HSD17B2: variants seen among roughly 807,000 people sequenced by gnomAD.
HSD17B2 encodes 17-beta-hydroxysteroid dehydrogenase type 2.
Under a neutral mutation model 26.9 loss-of-function variants are expected in HSD17B2, and 32 were observed. That is an observed-to-expected ratio of 1.19 (90% CI 0.90 to 1.60). HSD17B2 has a LOEUF of 1.60. HSD17B2 is among the 40% of genes most tolerant of loss of function. The pLI is 0.00. For synonymous variants in HSD17B2, 246 were observed against 186.7 expected, an observed-to-expected ratio of 1.32 and a Z score of -2.59; for missense variants, 613 against 468.6, an observed-to-expected ratio of 1.31 and a Z score of -2.85.
intron 3 of HSD17B2, among the ~76,000 whole-genome samples, chr16:82,080,270 C>T (rs192546083): frequency 3.3e-5 from 5 of 152,282 alleles, no homozygotes; most frequent in Admixed American, 3.3e-4. Flanking sequence ...AGCCTGTTAC[C>T]TCACGTGGCA....
chr16:82,095,888 T>A, intron 4 of HSD17B2: 1 of 152,232 alleles, frequency 6.6e-6, no homozygotes, highest in East Asian at 1.9e-4. Flanking sequence ...TCTATGTGTA[T>A]GTATGTTTGT....
At position 82,068,333 on chromosome 16, in the gene HSD17B2, G is replaced by A; in HGVS notation, c.429G>A (p.Val143=). 1 of 1,613,908 alleles carries A rather than the reference G, an allele frequency of 6.2e-7. No individual in the cohort carries two copies. Among genetic ancestry groups the A allele is most frequent in the Non-Finnish European group, 8.5e-7 (1 of 1,179,982 alleles). Residue 143 remains valine, a synonymous_variant, in exon 2 of 5, where the codon GTG becomes GTA. Transcript: ENST00000199936. Reference sequence around the variant, plus strand: ...TCCAAATGGACATCACGAAGCCAGTGCAGATAAAAGATGCTTACAGCAAGG... The same window carrying A: ...TCCAAATGGACATCACGAAGCCAGTACAGATAAAAGATGCTTACAGCAAGG... ...SVLQMDITKP[V]QIKDAYSKVA...
chr16:82,093,092 T>C (rs1904740046), intron 4 of HSD17B2: 1 of 152,132 alleles, frequency 6.6e-6, no homozygotes, highest in Non-Finnish European at 1.5e-5. Flanking sequence ...GAGAAATATA[T>C]AAACAGAAAA....
chr16:82,076,862 G>A (rs1438555800), intron 3 of HSD17B2, among the ~76,000 whole-genome samples: 1 of 152,200 alleles, frequency 6.6e-6, no homozygotes, highest in African/African-American at 2.4e-5. Context: ...ACAGGCATTA[G>A]TATGCCAATA....
At chr16:82,092,313 C>G (rs1443480532) in intron 4 of HSD17B2, 1 of 152,150 alleles carries the variant, frequency 6.6e-6, no homozygotes, top group Non-Finnish European at 1.5e-5. Flanking sequence ...CCACTCCCCT[C>G]CCTGCATATC....
chr16:82,080,642 G>C (rs890342670), intron 3 of HSD17B2, among the ~76,000 whole-genome samples: 1 of 152,206 alleles, frequency 6.6e-6, no homozygotes, highest in African/African-American at 2.4e-5. Context: ...GGAAAATAAT[G>C]TGTCTGGTTT....
At chr16:82,059,162 T>A (rs1345026724) in intron 1 of HSD17B2, among the ~76,000 whole-genome samples, 1 of 152,198 alleles carries the variant, frequency 6.6e-6, no homozygotes, top group Non-Finnish European at 1.5e-5. Flanking sequence ...TCCTAGAACT[T>A]TCCTATTAAT....
intron 3 of HSD17B2, among the ~76,000 whole-genome samples, chr16:82,089,796 G>C (rs1904630733): frequency 6.6e-6 from 1 of 151,922 alleles, no homozygotes; most frequent in African/African-American, 2.4e-5. Context: ...CTCTTTTTCT[G>C]TCTCTGATAA....
At chr16:82,055,440 G>A (rs1914237118) in intron 1 of HSD17B2, among the ~76,000 whole-genome samples, 1 of 152,138 alleles carries the variant, frequency 6.6e-6, no homozygotes, top group African/African-American at 2.4e-5. Context: ...GGTTTTATAT[G>A]TTGCCGTGTC....
At chr16:82,061,648 T>C (rs1914441780) in intron 1 of HSD17B2, among the ~76,000 whole-genome samples, 1 of 152,176 alleles carries the variant, frequency 6.6e-6, no homozygotes, top group South Asian at 2.1e-4. Context: ...AGCTGTCAAA[T>C]TGTATGTGTG....
At chr16:82,038,450 A>G (rs1319791429) in intron 1 of HSD17B2, among the ~76,000 whole-genome samples, 1 of 152,168 alleles carries the variant, frequency 6.6e-6, no homozygotes, top group East Asian at 1.9e-4. Flanking sequence ...CCCGGGTTCA[A>G]GTGATTCTCC....
intron 1 of HSD17B2, among the ~76,000 whole-genome samples, chr16:82,041,657 A>T (rs189942481): frequency 6.6e-6 from 1 of 152,134 alleles, no homozygotes; most frequent in Non-Finnish European, 1.5e-5. Flanking sequence ...CTTTCTTTTC[A>T]TGGCCTCGTT....
intron 2 of HSD17B2, 198 bp from the exon 3 acceptor site, chr16:82,070,744 T>C (rs1301625956): frequency 3.4e-6 from 2 of 590,740 alleles, no homozygotes; most frequent in African/African-American, 1.9e-5. Flanking sequence ...TCTGCACATC[T>C]AGCTTCCTGT....
chr16:82,060,009 G>A (rs1914388251), intron 1 of HSD17B2, among the ~76,000 whole-genome samples: 1 of 152,214 alleles, frequency 6.6e-6, no homozygotes, highest in African/African-American at 2.4e-5. Flanking sequence ...GGCAAAGGAG[G>A]AGGGAGGTCA....
At position 82,059,373 on chromosome 16, in the gene HSD17B2, T is replaced by C. The variant is rs1455657452; in HGVS notation, c.266-8797T>C. 3.9e-5 allele frequency among the ~76,000 whole-genome samples: 6 copies of C among 152,188 alleles called. No individual in the cohort carries two copies. In the South Asian group the frequency reaches 8.3e-4, roughly 21 times the overall value. The stretch of plus-strand genomic sequence containing the variant: ...GCCAGATATTCCCCAGGGGACAAAA[T>C]TGTCTGTGGTTGAGAATCGCTTTCC... On this transcript the variant is annotated intron_variant, in intron 1 of 4. Coordinates refer to ENST00000199936, the MANE Select transcript of HSD17B2 (RefSeq NM_002153.3).
intron 3 of HSD17B2, among the ~76,000 whole-genome samples, chr16:82,087,153 T>C (rs576406568): frequency 1.6e-4 from 25 of 152,306 alleles, no homozygotes; most frequent in African/African-American, 5.8e-4. Flanking sequence ...AGTTACCTAA[T>C]GTTAGGTTAT....
At chr16:82,067,752 T>A (rs572457027) in intron 1 of HSD17B2, among the ~76,000 whole-genome samples, 3 of 152,246 alleles carry the variant, frequency 2.0e-5, no homozygotes, top group African/African-American at 7.2e-5. Flanking sequence ...GAGTCCAAAG[T>A]ATGAGTTTGT....
At chr16:82,090,671 T>G (rs1401647196) in intron 3 of HSD17B2, among the ~76,000 whole-genome samples, 1 of 152,110 alleles carries the variant, frequency 6.6e-6, no homozygotes, top group Non-Finnish European at 1.5e-5. Context: ...CAACTTGGTT[T>G]GTCATCATAC....
chr16:82,081,685 T>A (rs1457485812), intron 3 of HSD17B2, among the ~76,000 whole-genome samples: 1 of 152,220 alleles, frequency 6.6e-6, no homozygotes, highest in Non-Finnish European at 1.5e-5. Flanking sequence ...ATGTGTAGTA[T>A]GTCTTCCCTG....
Sources: gnomAD v4.1 joint callset for allele counts (sites outside exome capture counted in the v4.1 genomes callset) on GRCh38, gnomAD v4.1.1 for gene constraint, MANE v1.5 for transcripts, NCBI Gene and HGNC (gene_info 2026-07-23, HGNC 2026-07-21) for gene names.